ATL1: variants seen among roughly 807,000 people sequenced by gnomAD.
The protein encoded by ATL1 is atlastin GTPase 1.
ATL1 carries 31 observed loss-of-function variants against 75.5 expected under a neutral mutation model. That is an observed-to-expected ratio of 0.41 (90% CI 0.31 to 0.55). ATL1 has a LOEUF of 0.55. Among genes scored for constraint, ATL1 ranks in the 20% least tolerant of loss-of-function variants. ATL1 has a pLI of 0.27. For synonymous variants in ATL1, 226 were observed against 233.3 expected (o/e 0.97, Z 0.28); for missense variants, 405 against 662.6 (o/e 0.61, Z 4.27).
chr14:50,533,085 T>A (rs1480141360), exon 1 of ATL1: 1 of 152,356 alleles, frequency 6.6e-6, no homozygotes, highest in Non-Finnish European at 1.5e-5. Flanking sequence ...TGGTACCAGT[T>A]TGAGGCTGCA....
intron 1 of ATL1, among the ~76,000 whole-genome samples, chr14:50,546,503 A>T (rs1390487569): frequency 6.6e-6 from 1 of 152,202 alleles, no homozygotes; most frequent in African/African-American, 2.4e-5. Flanking sequence ...ATTAAGGTAA[A>T]GTCAAGTACT....
chr14:50,555,442 C>T (rs2038754433), upstream of ATL1, among the ~76,000 whole-genome samples: 2 of 152,054 alleles, frequency 1.3e-5, no homozygotes, highest in Admixed American at 6.6e-5. Flanking sequence ...CCACCCGTCC[C>T]GGCTAATTTT....
At chr14:50,621,435 C>T (rs1451478383) in intron 9 of ATL1, among the ~76,000 whole-genome samples, 1 of 152,150 alleles carries the variant, frequency 6.6e-6, no homozygotes, top group Non-Finnish European at 1.5e-5. Context: ...TGAATTTTTA[C>T]TGCGTGTAAC....
chr14:50,540,630 C>A (rs79674187), intron 1 of ATL1, among the ~76,000 whole-genome samples: 1,759 of 152,144 alleles, frequency 0.012, 31 homozygotes, highest in African/African-American at 0.041. Flanking sequence ...CTCAAAATAC[C>A]GCCAAAATTC....
chr14:50,609,614 A>G (rs1315705722), intron 6 of ATL1, among the ~76,000 whole-genome samples: 1 of 152,062 alleles, frequency 6.6e-6, no homozygotes, highest in African/African-American at 2.4e-5. Context: ...TATAGTCCTG[A>G]ATTTGAATTG....
At chr14:50,590,424 C>T (rs1031726941) in intron 2 of ATL1, among the ~76,000 whole-genome samples, 1 of 152,104 alleles carries the variant, frequency 6.6e-6, no homozygotes, top group Non-Finnish European at 1.5e-5. Context: ...TCCCACAAAA[C>T]CAAAGCATAA....
chr14:50,623,254 A>G lies in ATL1; in HGVS notation c.1119+6A>G. The G allele has an allele frequency of 6.2e-7, 1 of 1,610,974 alleles. No homozygotes were observed. The highest frequency in any genetic ancestry group is 8.5e-7 in the Non-Finnish European group (1 of 1,177,454). ...ACAACAAAAAAATGGAAGAGGTAAG[A>G]GTTAAATATTTTAAATTCTGTCTTA... On this transcript the variant is annotated splice_donor_region_variant and intron_variant, in intron 11 of 13. Transcript: ENST00000358385.
At chr14:50,560,139 A>G (rs1477518861), upstream of ATL1, 2 of 1,118,148 alleles carry the variant, frequency 1.8e-6, no homozygotes, top group African/African-American at 3.1e-5. Context: ...CCACAGCAAC[A>G]TCCTCAGAGT....
chr14:50,601,448 G>GGGGAGGA (rs2039270950), intron 6 of ATL1, among the ~76,000 whole-genome samples: 1 of 152,148 alleles, frequency 6.6e-6, no homozygotes, highest in Admixed American at 6.5e-5. Context: ...AAAACTGGTT[G>GGGGAGGA]GGGAGGAGGG....
At chr14:50,543,111 A>G (rs893317175) in intron 1 of ATL1, among the ~76,000 whole-genome samples, 2 of 152,246 alleles carry the variant, frequency 1.3e-5, no homozygotes, top group African/African-American at 2.4e-5. Flanking sequence ...CCAGGTGTCA[A>G]TCAGCCTCTT....
chr14:50,565,913 C>A (rs148691733), intron 1 of ATL1, among the ~76,000 whole-genome samples: 1 of 152,128 alleles, frequency 6.6e-6, no homozygotes, highest in African/African-American at 2.4e-5. Context: ...AGCACCTGTG[C>A]CCCCCAGCCA....
chr14:50,623,618 AG>A (rs141571351), intron 11 of ATL1, among the ~76,000 whole-genome samples: 5,138 of 151,870 alleles, frequency 0.034, 91 homozygotes, highest in Middle Eastern at 0.054. Flanking sequence ...TAAACCTTTT[AG>A]GAAAAAAAAA....
chr14:50,593,097 A>T (rs1494180), intron 4 of ATL1, among the ~76,000 whole-genome samples: 6,126 of 151,746 alleles, frequency 0.04, 395 homozygotes, highest in African/African-American at 0.13. Context: ...AGTGTAAGCC[A>T]TACTTATACA....
chr14:50,574,937 GTATA>G (rs71118894), intron 1 of ATL1, among the ~76,000 whole-genome samples: 557 of 23,080 alleles, frequency 0.024, 8 homozygotes, highest in Middle Eastern at 0.056. Flanking sequence ...GTGTGTGTGT[GTATA>G]TATATATATA....
chr14:50,537,417 C>T (rs890704742), intron 1 of ATL1, among the ~76,000 whole-genome samples: 10 of 152,212 alleles, frequency 6.6e-5, no homozygotes, highest in African/African-American at 1.7e-4. Flanking sequence ...TAGGGTGGTG[C>T]GAAAGGGAAA....
chr14:50,545,371 T>C (rs996356290), intron 1 of ATL1, among the ~76,000 whole-genome samples: 7 of 152,126 alleles, frequency 4.6e-5, no homozygotes, highest in South Asian at 2.1e-4. Flanking sequence ...CTTATAACAA[T>C]TGGCATCACA....
At chr14:50,603,233 T>C (rs1390556560) in intron 6 of ATL1, among the ~76,000 whole-genome samples, 1 of 152,194 alleles carries the variant, frequency 6.6e-6, no homozygotes, top group Non-Finnish European at 1.5e-5. Context: ...TTCCATGTCC[T>C]CAGTGTCAAG....
intron 13 of ATL1, chr14:50,631,010 G>C: frequency 6.6e-6 from 3 of 452,162 alleles, no homozygotes; most frequent in South Asian, 4.7e-5. Flanking sequence ...TGTAATCCCA[G>C]CACTTTGGGA....
At position 50,627,895 on chromosome 14, in the gene ATL1, G is replaced by A. The variant is rs935182971; in HGVS notation, c.1120-136G>A. The A allele has an allele frequency of 2.1e-4, 163 of 791,876 alleles. 2 individuals carry two copies. The highest frequency in any genetic ancestry group is 1.1e-5 in the Non-Finnish European group (5 of 475,378). The allele number at this position is 791,876 out of a possible 1,614,324, so 49.1% of individuals were successfully genotyped here. A position where few individuals can be genotyped will look rare whatever the true frequency, so the allele number is the denominator to read the frequency against. ...TCGTGGATAGGGGGTGGAAAGATGTGGGCTGACAAAACATATATGCAGGCT... is the reference window on the plus strand; with the variant it reads ...TCGTGGATAGGGGGTGGAAAGATGTAGGCTGACAAAACATATATGCAGGCT... On this transcript the variant is annotated intron_variant, in intron 11 of 13. Coordinates refer to ENST00000358385, the MANE Select transcript of ATL1 (RefSeq NM_015915.5).
Sources: gnomAD v4.1 joint callset for allele counts (sites outside exome capture counted in the v4.1 genomes callset) on GRCh38, gnomAD v4.1.1 for gene constraint, MANE v1.5 for transcripts, NCBI Gene and HGNC (gene_info 2026-07-23, HGNC 2026-07-21) for gene names.